The following GTF2A1L variants were observed in gnomAD, a reference collection of about 807,000 sequenced individuals.
GTF2A1L encodes TFIIA-alpha and beta-like factor.
In GTF2A1L, 48 loss-of-function variants were observed where a neutral mutation model predicts 49.7. The observed-to-expected ratio is 0.97, with a 90% CI of 0.77 to 1.23. The LOEUF is 1.23. Among genes scored for constraint, GTF2A1L ranks in the 50% most tolerant of loss-of-function variants. GTF2A1L has a pLI of 0.00. For missense variants in GTF2A1L, 736 were observed against 564.8 expected, an observed-to-expected ratio of 1.30 and a Z score of -3.07; for synonymous variants, 246 against 193.5, an observed-to-expected ratio of 1.27 and a Z score of -2.25.
intron 3 of GTF2A1L, among the ~76,000 whole-genome samples, chr2:48,641,977 A>T (rs1265260600): frequency 1.3e-5 from 2 of 152,192 alleles, no homozygotes; most frequent in African/African-American, 4.8e-5. Context: ...CTTTTCATAA[A>T]ATAATGAATT....
chr2:48,644,066 G>A (rs1263677136), intron 4 of GTF2A1L, among the ~76,000 whole-genome samples: 3 of 152,270 alleles, frequency 2.0e-5, no homozygotes, highest in East Asian at 1.9e-4. Context: ...GGCTACTTGA[G>A]AGGCTGAGGC....
rs996610253 is a variant in GTF2A1L at position 48,625,981 on chromosome 2, T to G, written c.247+4691T>G. 2.1e-5 allele frequency among the ~76,000 whole-genome samples: 3 copies of G among 144,384 alleles called. 1 individual carries two copies. Among genetic ancestry groups the G allele is most frequent in the African/African-American group, 7.4e-5 (3 of 40,516 alleles). 94.7% of individuals were successfully genotyped at this position (144,384 alleles called of 152,430 possible). A position where few individuals can be genotyped will look rare whatever the true frequency, so the allele number is the denominator to read the frequency against. On this transcript the variant is annotated intron_variant, in intron 3 of 8. Transcript: ENST00000403751. ...CAGGTTTTCCTCTGTGTTTTTGTCTTGGAGTTTTATGGTTTAAGGTCTTAT... is the reference window on the plus strand; with the variant it reads ...CAGGTTTTCCTCTGTGTTTTTGTCTGGGAGTTTTATGGTTTAAGGTCTTAT...
chr2:48,670,305 C>T (rs1238484609), intron 7 of GTF2A1L, among the ~76,000 whole-genome samples: 1 of 151,538 alleles, frequency 6.6e-6, no homozygotes, highest in East Asian at 1.9e-4. Context: ...GAGGCAAAAG[C>T]ATTGCAGGAG....
At chr2:48,645,152 G>A in intron 5 of GTF2A1L, 35 bp downstream of exon 5, 3 of 1,557,626 alleles carry the variant, frequency 1.9e-6, no homozygotes, top group Non-Finnish European at 2.6e-6. Context: ...TTTGTTTTCA[G>A]CATTGGTACT....
chr2:48,662,165 A>G (rs1439514115), intron 6 of GTF2A1L, among the ~76,000 whole-genome samples: 1 of 152,192 alleles, frequency 6.6e-6, no homozygotes, highest in East Asian at 1.9e-4. Context: ...CTCGTTTACA[A>G]CTTTGCCCTC....
At chr2:48,643,290 C>T (rs1194210868) in intron 4 of GTF2A1L, among the ~76,000 whole-genome samples, 6 of 152,214 alleles carry the variant, frequency 3.9e-5, no homozygotes, top group Admixed American at 1.3e-4. Context: ...AGTAGTTTTT[C>T]GGGTAGAGAA....
At chr2:48,661,247 CTTTTT>C (rs70946820) in intron 6 of GTF2A1L, among the ~76,000 whole-genome samples, 9 of 62,744 alleles carry the variant, frequency 1.4e-4, no homozygotes, top group African/African-American at 7.0e-4. Context: ...CATCCCCAAA[CTTTTT>C]TTTTTTTTTT....
intron 6 of GTF2A1L, among the ~76,000 whole-genome samples, chr2:48,651,414 A>T (rs531661261): frequency 1.1e-4 from 16 of 151,188 alleles, no homozygotes; most frequent in Non-Finnish European, 2.1e-4. Context: ...GATACCATCA[A>T]AGAATTTTTA....
At chr2:48,618,226 C>T (rs554649277) in intron 1 of GTF2A1L, 3 of 307,702 alleles carry the variant, frequency 9.7e-6, no homozygotes, top group Admixed American at 4.6e-5. Context: ...CCTCCAAGTT[C>T]GGTTGTGTTA....
intron 6 of GTF2A1L, among the ~76,000 whole-genome samples, chr2:48,659,567 T>C (rs1041781661): frequency 1.3e-5 from 2 of 152,128 alleles, no homozygotes; most frequent in African/African-American, 4.8e-5. Flanking sequence ...TTGGATAATA[T>C]TCACATCTTA....
At chr2:48,673,933 G>A (rs78766026) in intron 8 of GTF2A1L, among the ~76,000 whole-genome samples, 1 of 152,268 alleles carries the variant, frequency 6.6e-6, no homozygotes, top group Non-Finnish European at 1.5e-5. Flanking sequence ...TGGTTCAGGG[G>A]AGAAGGGTGA....
intron 6 of GTF2A1L, among the ~76,000 whole-genome samples, chr2:48,659,359 A>G (rs1054346657): frequency 1.4e-4 from 21 of 152,122 alleles, no homozygotes; most frequent in African/African-American, 4.8e-4. Context: ...CCAATATCAC[A>G]CTATTTTTAT....
intron 3 of GTF2A1L, among the ~76,000 whole-genome samples, chr2:48,640,060 A>T (rs1298101607): frequency 1.3e-5 from 2 of 152,216 alleles, no homozygotes; most frequent in African/African-American, 4.8e-5. Context: ...GATACTGGTG[A>T]GGTTGCAGAG....
intron 6 of GTF2A1L, among the ~76,000 whole-genome samples, chr2:48,655,095 G>A (rs765580192): frequency 3.3e-5 from 5 of 151,738 alleles, no homozygotes; most frequent in African/African-American, 4.8e-5. Context: ...GGGAATTGAC[G>A]TCTTCACAAT....
At chr2:48,648,886 G>A (rs867549684) in intron 6 of GTF2A1L, among the ~76,000 whole-genome samples, 3 of 152,220 alleles carry the variant, frequency 2.0e-5, no homozygotes, top group Middle Eastern at 6.8e-3. Context: ...AAGATAGTAA[G>A]CAGTTTGGTA....
At chr2:48,652,761 C>A (rs1457577366) in intron 6 of GTF2A1L, among the ~76,000 whole-genome samples, 1 of 147,402 alleles carries the variant, frequency 6.8e-6, no homozygotes, top group African/African-American at 2.5e-5. Context: ...GTGGTGTGAT[C>A]TCGGCGCACT....
At chr2:48,648,384 T>C (rs1677655658) in intron 6 of GTF2A1L, among the ~76,000 whole-genome samples, 1 of 152,096 alleles carries the variant, frequency 6.6e-6, no homozygotes, top group South Asian at 2.1e-4. Flanking sequence ...CTGGATTCTG[T>C]GTGAATTTTG....
At position 48,628,536 on chromosome 2, in the gene GTF2A1L, A is replaced by G. The variant is rs1281094023; in HGVS notation, c.247+7246A>G. Among the ~76,000 whole-genome samples, 5 of 143,966 alleles carry G rather than the reference A, an allele frequency of 3.5e-5. 1 individual carries two copies. Among genetic ancestry groups the G allele is most frequent in the African/African-American group, 1.2e-4 (5 of 40,472 alleles). 94.4% of individuals were successfully genotyped at this position (143,966 alleles called of 152,430 possible). On this transcript the variant is annotated intron_variant, in intron 3 of 8. Transcript: ENST00000403751. The stretch of plus-strand genomic sequence containing the variant: ...TATATCTTTTGAGAAGCATCTGTAC[A>G]TGTCTTTTGCCCACTTTTTAATGGG...
At chr2:48,646,373 ATTT>A (rs370649699) in intron 5 of GTF2A1L, 77 bp from the exon 6 acceptor site, 359 of 1,045,514 alleles carry the variant, frequency 3.4e-4, no homozygotes, top group South Asian at 5.5e-4. Context: ...TGTGGATGAG[ATTT>A]TTTTTTTTTT....
Sources: allele counts gnomAD v4.1 joint callset (sites outside exome capture counted in the v4.1 genomes callset), GRCh38; gene constraint gnomAD v4.1.1; transcripts MANE v1.5; gene names NCBI Gene and HGNC (gene_info 2026-07-23, HGNC 2026-07-21).